WNK2: variants seen among roughly 807,000 people sequenced by gnomAD.
The protein encoded by WNK2 is serine/threonine-protein kinase WNK2.
In WNK2, 67 loss-of-function variants were observed where a neutral mutation model predicts 192.1. That is an observed-to-expected ratio of 0.35 (90% CI 0.29 to 0.43). The LOEUF (loss-of-function observed/expected upper bound fraction) is 0.43. Ranked by LOEUF, WNK2 falls within the 20% of genes least tolerant of loss-of-function variation. WNK2 has a pLI of 1.00. For synonymous variants in WNK2, 1,439 were observed against 1,393.9 expected (o/e 1.03, Z -0.72); for missense variants, 2,698 against 3,089.7 (o/e 0.87, Z 3.01).
At chr9:93,245,080 G>C (rs1841456064) in intron 7 of WNK2, among the ~76,000 whole-genome samples, 1 of 147,746 alleles carries the variant, frequency 6.8e-6, no homozygotes, top group Non-Finnish European at 1.5e-5. Context: ...GGCTGTTTCT[G>C]TTAGGGAACA....
intron 18 of WNK2, among the ~76,000 whole-genome samples, 161 bp from the exon 19 acceptor site, chr9:93,268,466 T>C (rs72743431): frequency 0.038 from 5,755 of 152,188 alleles, 162 homozygotes; most frequent in East Asian, 0.099. Flanking sequence ...GATTAATGAC[T>C]GGGAACAGTG....
At position 93,229,809 on chromosome 9, in the gene WNK2, C is replaced by G. The variant is rs1479652855; in HGVS notation, c.795C>G (p.Ala265=). The change falls in exon 3 of 30, where the codon GCC becomes GCG. Residue 265 remains alanine, a synonymous_variant. Transcript: ENST00000427277. The surrounding 1 kb of genome is among the most constrained non-coding windows in gnomAD (Gnocchi z 4.9). ...VRFYDFWESS[A]KGKRCIVLVT... is the part of the protein sequence containing the mutation. ...TCTACGACTTCTGGGAGTCCAGCGC[C>G]AAGGGCAAGCGGTGCATTGTGCTGG... 7.4e-6 allele frequency: 12 copies of G among 1,613,852 alleles called. No individual in the cohort carries two copies. Among genetic ancestry groups the G allele is most frequent in the African/African-American group, 1.3e-5 (1 of 74,944 alleles).
chr9:93,262,754 T>C (rs763776449), intron 14 of WNK2, 35 bp downstream of exon 14: 4 of 1,608,368 alleles, frequency 2.5e-6, no homozygotes, highest in Admixed American at 1.7e-5. Flanking sequence ...GCAGGACGGG[T>C]GTAGGGGCGC....
At chr9:93,234,199 G>A (rs1839413722) in intron 4 of WNK2, among the ~76,000 whole-genome samples, 1 of 152,170 alleles carries the variant, frequency 6.6e-6, no homozygotes, top group African/African-American at 2.4e-5. Context: ...GCCACATACA[G>A]TTCCCATCTT....
rs753660867 is a variant in WNK2 at position 93,308,401 on chromosome 9, GAAC to G, written c.6338_6340del (p.Asn2113del). 3.5e-5 allele frequency: 56 copies of G among 1,590,568 alleles called. No homozygotes were observed. The highest frequency in any genetic ancestry group is 4.5e-5 in the Non-Finnish European group (53 of 1,169,458). On this transcript the variant is annotated inframe_deletion, in exon 28 of 30. Transcript: ENST00000427277. ...CCGCCCTGCACGTCCAGGCGCAGGT[GAAC>G]AACAGCAACAACAAGAAGGGTACCT...
chr9:93,302,549 T>G (rs1851799649), intron 26 of WNK2, among the ~76,000 whole-genome samples: 1 of 151,904 alleles, frequency 6.6e-6, no homozygotes, highest in Non-Finnish European at 1.5e-5. Flanking sequence ...AAACAAAATG[T>G]GTTAAATTTT....
chr9:93,292,061 T>G (rs1849444980), intron 21 of WNK2, among the ~76,000 whole-genome samples: 1 of 152,106 alleles, frequency 6.6e-6, no homozygotes, highest in Non-Finnish European at 1.5e-5. Context: ...TTGCCCGGGT[T>G]TATTGGGCAT....
rs1199057708 is a variant in WNK2, at chr9:93,303,205, C to A, written c.6214+3056C>A. Among the ~76,000 whole-genome samples the A allele has an allele frequency of 3.9e-5, 6 of 152,290 alleles. No homozygotes were observed. In the East Asian group the frequency reaches 1.2e-3, roughly 29 times the overall value. ...AAAGTGCTGGGATTACAGGTGGGAG[C>A]CACCACACCTGGCCCAGTGCATTCT... On this transcript the variant is annotated intron_variant, in intron 26 of 29. Coordinates refer to ENST00000427277, the MANE Select transcript of WNK2 (RefSeq NM_006648.4).
chr9:93,222,100 C>T (rs911773718), intron 2 of WNK2, among the ~76,000 whole-genome samples: 12 of 131,626 alleles, frequency 9.1e-5, no homozygotes, highest in African/African-American at 2.3e-4. Context: ...TATGTGCGGG[C>T]GGCAGGGTCC....
intron 2 of WNK2, among the ~76,000 whole-genome samples, chr9:93,202,417 C>T (rs1309954151): frequency 6.6e-6 from 1 of 152,018 alleles, no homozygotes; most frequent in African/African-American, 2.4e-5. Flanking sequence ...CCCTCCGGCG[C>T]TTCCGTGGGA....
chr9:93,246,220 G>T (rs150714118), intron 7 of WNK2, among the ~76,000 whole-genome samples: 1 of 152,114 alleles, frequency 6.6e-6, no homozygotes, highest in Non-Finnish European at 1.5e-5. Context: ...ACTGGCTCCC[G>T]TGCCGTTTTG....
intron 19 of WNK2, among the ~76,000 whole-genome samples, chr9:93,275,976 A>T (rs1846801958): frequency 1.3e-5 from 2 of 152,252 alleles, no homozygotes; most frequent in Non-Finnish European, 2.9e-5. Context: ...ATAGAGAAGC[A>T]TACTGTGTTC....
In WNK2 at chr9:93,229,433, C is replaced by T. The variant is rs959769775; in HGVS notation, c.682-263C>T. 6.6e-6 allele frequency among the ~76,000 whole-genome samples: 1 copy of T among 152,102 alleles called. No individual in the cohort carries two copies. Among genetic ancestry groups the T allele is most frequent in the South Asian group, 2.1e-4 (1 of 4,820 alleles). Reference sequence around the variant, plus strand: ...TTTGGAAAAAGTGCTCAAGTGTGGCCGTGTGGATTTGCGAGACCTCTTCGG... The same window carrying T: ...TTTGGAAAAAGTGCTCAAGTGTGGCTGTGTGGATTTGCGAGACCTCTTCGG... On this transcript the variant is annotated intron_variant, in intron 2 of 29. Coordinates refer to ENST00000427277, the MANE Select transcript of WNK2 (RefSeq NM_006648.4). This position sits in a 1 kb window ranked among gnomAD's most constrained non-coding sequence, Gnocchi z 4.9.
chr9:93,245,661 G>C (rs910206488), intron 7 of WNK2, among the ~76,000 whole-genome samples: 1 of 152,196 alleles, frequency 6.6e-6, no homozygotes. Flanking sequence ...TATCTTGTTT[G>C]TCACCAATCT....
intron 3 of WNK2, among the ~76,000 whole-genome samples, chr9:93,230,445 G>C (rs1222327808): frequency 1.3e-5 from 2 of 152,196 alleles, no homozygotes; most frequent in African/African-American, 4.8e-5. Flanking sequence ...GCACAGCTCA[G>C]GGCAGGCCAC....
In WNK2 at chr9:93,297,840, TCCCCTCCTGC is replaced by T; in HGVS notation, c.5709-12_5709-3del. The T allele has an allele frequency of 6.4e-7, 1 of 1,564,762 alleles. No individual in the cohort carries two copies. Among genetic ancestry groups the T allele is most frequent in the Non-Finnish European group, 8.6e-7 (1 of 1,156,372 alleles). ...GGAAGCCCATCGGCGCTCCCTCCTG[TCCCCTCCTGC>T]AGGCACCTGAAGGAGATCTCGGAGC... On this transcript the variant is annotated splice_region_variant and splice_polypyrimidine_tract_variant and intron_variant, in intron 23 of 29. Transcript: ENST00000427277.
intron 2 of WNK2, among the ~76,000 whole-genome samples, chr9:93,190,021 A>G (rs1830047288): frequency 6.6e-6 from 1 of 152,198 alleles, no homozygotes; most frequent in Admixed American, 6.5e-5. Context: ...CCCTTTTAAA[A>G]ATTCTCTGAA....
intron 19 of WNK2, among the ~76,000 whole-genome samples, chr9:93,277,039 A>C (rs1175034923): frequency 6.6e-6 from 1 of 152,184 alleles, no homozygotes; most frequent in African/African-American, 2.4e-5. Flanking sequence ...CGTCTCAAAA[A>C]AAAAAAAAAT....
At chr9:93,206,201 C>T (rs534939843) in intron 2 of WNK2, among the ~76,000 whole-genome samples, 2 of 152,308 alleles carry the variant, frequency 1.3e-5, no homozygotes, top group South Asian at 2.1e-4. Flanking sequence ...GTCTGGAGTG[C>T]GTGTCTTTTT....
Sources: gnomAD v4.1 joint callset for allele counts (sites outside exome capture counted in the v4.1 genomes callset) on GRCh38, gnomAD v4.1.1 for gene constraint, Gnocchi (gnomAD v3.1) non-coding constraint, MANE v1.5 for transcripts, NCBI Gene and HGNC (gene_info 2026-07-23, HGNC 2026-07-21) for gene names.